CD2AP: variants seen among roughly 807,000 people sequenced by gnomAD.
CD2AP encodes CD2-associated protein.
A neutral mutation model predicts 85.1 loss-of-function variants in CD2AP; 46 were observed. The ratio of observed to expected loss-of-function variants is 0.54; its 90% CI spans 0.43 to 0.69. CD2AP has a LOEUF of 0.69. CD2AP is among the 30% of genes least tolerant of loss of function. The pLI, the probability that CD2AP is intolerant of heterozygous loss-of-function variation, is 0.00. For synonymous variants in CD2AP, 255 were observed against 252.9 expected (o/e 1.01, Z -0.08); for missense variants, 769 against 729.5 (o/e 1.05, Z -0.62).
At chr6:47,564,384 G>A (rs1767938777) in intron 5 of CD2AP, among the ~76,000 whole-genome samples, 2 of 152,080 alleles carry the variant, frequency 1.3e-5, no homozygotes, top group Admixed American at 6.6e-5. Flanking sequence ...CTTAAAGTTT[G>A]TATGGGACCA....
At position 47,609,306 on chromosome 6, in the gene CD2AP, T is replaced by C. The variant is rs1769360976; in HGVS notation, c.1814+2T>C. The C allele has an allele frequency of 6.2e-7, 1 of 1,609,132 alleles. No individual in the cohort carries two copies. The highest frequency in any genetic ancestry group is 8.5e-7 in the Non-Finnish European group (1 of 1,176,242). On this transcript the variant is annotated splice_donor_variant, in intron 16 of 17. Transcript: ENST00000359314. LOFTEE classifies it high-confidence loss of function. ...AGAAGCACTGAAAAAGGATCACGGG[T>C]AAGTAGCCCTTCTTTTCTCCTGTGA...
In CD2AP at chr6:47,623,478, A is replaced by AT. The variant is rs567807698; in HGVS notation, c.1879-706dup. The stretch of plus-strand genomic sequence containing the variant: ...CCTGTGTCACTTGTTAGTGTGGAAC[A>AT]TTGGCATCCTGTTTAATGTCTTTGA... On this transcript the variant is annotated intron_variant, in intron 17 of 17. Transcript: ENST00000359314. Among the ~76,000 whole-genome samples the AT allele has an allele frequency of 8.5e-5, 13 of 152,338 alleles. No individual in the cohort carries two copies. In the South Asian group the frequency reaches 2.5e-3, roughly 29 times the overall value.
At chr6:47,488,863 C>T (rs542352347) in intron 1 of CD2AP, among the ~76,000 whole-genome samples, 1 of 152,164 alleles carries the variant, frequency 6.6e-6, no homozygotes, top group South Asian at 2.1e-4. Flanking sequence ...TGCACTCCAG[C>T]CTGTGCAACT....
intron 5 of CD2AP, among the ~76,000 whole-genome samples, chr6:47,560,472 C>T (rs1326802805): frequency 6.6e-6 from 1 of 151,828 alleles, no homozygotes; most frequent in African/African-American, 2.4e-5. Context: ...TAATAGTCTT[C>T]TAGCCTTTTT....
At chr6:47,557,300 C>A (rs1767724788) in intron 5 of CD2AP, among the ~76,000 whole-genome samples, 1 of 151,322 alleles carries the variant, frequency 6.6e-6, no homozygotes, top group Non-Finnish European at 1.5e-5. Flanking sequence ...ATGATAGTTT[C>A]TTTTGCTGTG....
chr6:47,530,176 A>G (rs1233152648), intron 2 of CD2AP, among the ~76,000 whole-genome samples: 2 of 152,232 alleles, frequency 1.3e-5, no homozygotes, highest in African/African-American at 4.8e-5. Context: ...TATTTATAGC[A>G]TTTATCATGA....
chr6:47,574,498 G>C (rs1245082477), intron 6 of CD2AP, among the ~76,000 whole-genome samples: 1 of 150,214 alleles, frequency 6.7e-6, no homozygotes, highest in Non-Finnish European at 1.5e-5. Flanking sequence ...GAAGCTTTAG[G>C]GTTTTTAGTT....
chr6:47,594,942 G>T (rs1768898183), intron 11 of CD2AP, among the ~76,000 whole-genome samples: 1 of 151,892 alleles, frequency 6.6e-6, no homozygotes, highest in African/African-American at 2.4e-5. Context: ...ATTATTTGTG[G>T]TCTTGTGATA....
chr6:47,511,073 C>CAAAAAAAAAAAAA (rs70999630), intron 2 of CD2AP, among the ~76,000 whole-genome samples: 1 of 51,880 alleles, frequency 1.9e-5, no homozygotes, highest in African/African-American at 9.7e-5. Context: ...CTCTGTGTCT[C>CAAAAAAAAAAAAA]AAAAAAAAAA....
intron 17 of CD2AP, among the ~76,000 whole-genome samples, chr6:47,619,168 C>G (rs959992880): frequency 6.6e-6 from 1 of 152,128 alleles, no homozygotes; most frequent in African/African-American, 2.4e-5. Flanking sequence ...TTAGTGCACC[C>G]ATCACCTGAG....
intron 4 of CD2AP, among the ~76,000 whole-genome samples, chr6:47,553,447 A>G (rs925146835): frequency 2.0e-5 from 3 of 151,270 alleles, no homozygotes; most frequent in Non-Finnish European, 2.9e-5. Flanking sequence ...CCCAGGTTCA[A>G]CTGATTCTCC....
At chr6:47,504,212 T>G (rs573382826) in intron 2 of CD2AP, among the ~76,000 whole-genome samples, 159 of 152,220 alleles carry the variant, frequency 1.0e-3, no homozygotes, top group Non-Finnish European at 2.0e-3. Context: ...TGTGTATTAG[T>G]TTTCTTACAT....
intron 1 of CD2AP, among the ~76,000 whole-genome samples, chr6:47,495,650 GCT>G (rs1192716653): frequency 6.6e-6 from 1 of 152,070 alleles, no homozygotes; most frequent in African/African-American, 2.4e-5. Flanking sequence ...GTGGTAGTTT[GCT>G]CTGTGTCCTC....
chr6:47,623,341 A>G (rs141682474), intron 17 of CD2AP, among the ~76,000 whole-genome samples: 8 of 152,348 alleles, frequency 5.3e-5, no homozygotes, highest in South Asian at 2.1e-4. Context: ...CAAGGCCTAT[A>G]TATTTCCTCA....
chr6:47,524,047 A>C (rs997772875), intron 2 of CD2AP, among the ~76,000 whole-genome samples: 2 of 152,194 alleles, frequency 1.3e-5, no homozygotes, highest in African/African-American at 4.8e-5. Flanking sequence ...CCCCTTTTAC[A>C]TACTATTCTT....
In CD2AP at chr6:47,609,630, T is replaced by G. The variant is rs894163020; in HGVS notation, c.1814+326T>G. ...GGGAGGATGTCTTGAGCCTGGGAAGTCAAGGCTGCAGTGAGCCGTGAACAT... is the reference window on the plus strand; with the variant it reads ...GGGAGGATGTCTTGAGCCTGGGAAGGCAAGGCTGCAGTGAGCCGTGAACAT... On this transcript the variant is annotated intron_variant, in intron 16 of 17. Coordinates refer to ENST00000359314, the MANE Select transcript of CD2AP (RefSeq NM_012120.3). The G allele has an allele frequency of 4.1e-5, 10 of 241,512 alleles. No individual in the cohort carries two copies. The Middle Eastern group carries it at 5.1e-3, about 122-fold the overall frequency. 15.0% of individuals were successfully genotyped at this position (241,512 alleles called of 1,614,324 possible). A position where few individuals can be genotyped will look rare whatever the true frequency, so the allele number is the denominator to read the frequency against.
chr6:47,511,883 C>A (rs936963805), intron 2 of CD2AP, among the ~76,000 whole-genome samples: 1 of 84,334 alleles, frequency 1.2e-5, no homozygotes, highest in Admixed American at 1.0e-4. Context: ...AAAAATTGGC[C>A]GGGGGTGGCT....
intron 15 of CD2AP, among the ~76,000 whole-genome samples, chr6:47,608,431 C>T (rs879615825): frequency 6.6e-6 from 1 of 152,072 alleles, no homozygotes; most frequent in South Asian, 2.1e-4. Flanking sequence ...ATCCTTTCAT[C>T]TGTTACATGT....
chr6:47,609,329 T>C (rs778296103), intron 16 of CD2AP, 25 bp downstream of exon 16: 3 of 1,527,994 alleles, frequency 2.0e-6, no homozygotes, highest in Non-Finnish European at 2.7e-6. Flanking sequence ...TTTTCTCCTG[T>C]GAGTACTACT....
Sources: gnomAD v4.1 joint callset for allele counts (sites outside exome capture counted in the v4.1 genomes callset) on GRCh38, gnomAD v4.1.1 for gene constraint, MANE v1.5 for transcripts, NCBI Gene and HGNC (gene_info 2026-07-23, HGNC 2026-07-21) for gene names.